Variants in SLC9A9 observed in about 807,000 individuals in gnomAD.
SLC9A9 encodes the protein sodium/hydrogen exchanger 9.
SLC9A9 carries 62 observed loss-of-function variants against 77.8 expected under a neutral mutation model. That is an observed-to-expected ratio of 0.80 (90% confidence interval 0.65 to 0.98). The LOEUF (loss-of-function observed/expected upper bound fraction) is 0.98. Ranked by LOEUF, SLC9A9 falls within the 50% of genes least tolerant of loss-of-function variation. The pLI, the probability that SLC9A9 is intolerant of heterozygous loss-of-function variation, is 0.00. For synonymous variants in SLC9A9, 320 were observed against 283.5 expected, an observed-to-expected ratio of 1.13 and a Z score of -1.29; for missense variants, 775 against 774.9, an observed-to-expected ratio of 1.00 and a Z score of 0.00.
intron 9 of SLC9A9, among the ~76,000 whole-genome samples, chr3:143,533,237 C>T (rs572544823): frequency 3.9e-5 from 6 of 152,352 alleles, no homozygotes; most frequent in South Asian, 4.1e-4. Flanking sequence ...TGGCTCACAG[C>T]GACCTGGGGG....
At chr3:143,385,425 T>A (rs1011110425) in intron 12 of SLC9A9, among the ~76,000 whole-genome samples, 3 of 152,216 alleles carry the variant, frequency 2.0e-5, no homozygotes, top group African/African-American at 7.2e-5. Context: ...TTTTCTCAAT[T>A]GTGATATATA....
At chr3:143,408,099 G>C (rs2034019049) in intron 12 of SLC9A9, among the ~76,000 whole-genome samples, 1 of 152,074 alleles carries the variant, frequency 6.6e-6, no homozygotes, top group African/African-American at 2.4e-5. Context: ...TCTCTTATAA[G>C]GACACTAATT....
chr3:143,535,272 G>C (rs1028929246), intron 9 of SLC9A9, among the ~76,000 whole-genome samples: 3 of 152,136 alleles, frequency 2.0e-5, no homozygotes, highest in Non-Finnish European at 2.9e-5. Flanking sequence ...AAACACTTTA[G>C]AGTTCTTTCA....
chr3:143,470,914 G>GA (rs1235463767), intron 11 of SLC9A9, among the ~76,000 whole-genome samples: 1 of 151,920 alleles, frequency 6.6e-6, no homozygotes, highest in Non-Finnish European at 1.5e-5. Context: ...ACTGACTTTT[G>GA]AAAAAATCTA....
At chr3:143,773,359 C>A (rs1301551409) in intron 4 of SLC9A9, among the ~76,000 whole-genome samples, 2 of 151,952 alleles carry the variant, frequency 1.3e-5, no homozygotes, top group African/African-American at 2.4e-5. Context: ...ATGTACACAA[C>A]CTCAAGAGCA....
At chr3:143,274,933 A>G (rs1194425024) in intron 14 of SLC9A9, among the ~76,000 whole-genome samples, 1 of 152,180 alleles carries the variant, frequency 6.6e-6, no homozygotes, top group African/African-American at 2.4e-5. Flanking sequence ...ATTACAGTCT[A>G]TATTGTTTCC....
intron 4 of SLC9A9, among the ~76,000 whole-genome samples, chr3:143,734,060 G>T (rs1164047043): frequency 6.6e-6 from 1 of 152,030 alleles, no homozygotes; most frequent in African/African-American, 2.4e-5. Flanking sequence ...AGTTGGGTGT[G>T]GTGGTGCACA....
In SLC9A9 at chr3:143,693,242, T is replaced by G; in HGVS notation, c.599A>C (p.His200Pro). 6.2e-7 allele frequency: 1 copy of G among 1,613,384 alleles called. No individual in the cohort carries two copies. The highest frequency in any genetic ancestry group is 8.5e-7 in the Non-Finnish European group (1 of 1,179,564). ...HAGQLKNGDF[H>P]FTDCLFFGSL... The stretch of plus-strand genomic sequence containing the variant: ...ACCAAAAAATAAACAGTCAGTGAAA[T>G]GAAAGTCTCCATTTTTCAGCTGGCC... Residue 200 changes from histidine to proline, a missense_variant, in exon 5 of 16, where the codon CAT (histidine) becomes CCT (proline). Coordinates refer to ENST00000316549, the MANE Select transcript of SLC9A9 (RefSeq NM_173653.4).
At chr3:143,614,344 T>C (rs998216216) in intron 6 of SLC9A9, among the ~76,000 whole-genome samples, 2 of 152,216 alleles carry the variant, frequency 1.3e-5, no homozygotes, top group African/African-American at 4.8e-5. Context: ...TTTGGCAAGC[T>C]GTATATTTAG....
intron 4 of SLC9A9, among the ~76,000 whole-genome samples, chr3:143,740,347 G>T (rs958459014): frequency 6.6e-6 from 1 of 152,156 alleles, no homozygotes; most frequent in Non-Finnish European, 1.5e-5. Flanking sequence ...CAATGCATTA[G>T]GTAGCATGTA....
chr3:143,515,588 T>G (rs1317401283), intron 9 of SLC9A9, among the ~76,000 whole-genome samples: 2 of 152,232 alleles, frequency 1.3e-5, no homozygotes, highest in African/African-American at 4.8e-5. Context: ...CTTTTATACC[T>G]TGCCAAACAT....
intron 8 of SLC9A9, among the ~76,000 whole-genome samples, chr3:143,568,040 C>T (rs1451320411): frequency 6.6e-6 from 1 of 152,032 alleles, no homozygotes; most frequent in African/African-American, 2.4e-5. Context: ...TCTTTGTTTG[C>T]AAGTAATAAA....
intron 6 of SLC9A9, among the ~76,000 whole-genome samples, chr3:143,636,481 T>C (rs1024736312): frequency 6.6e-6 from 1 of 152,274 alleles, no homozygotes; most frequent in Admixed American, 6.5e-5. Context: ...TTTTTTAATA[T>C]TTTTATAGAT....
At chr3:143,268,821 A>T in intron 15 of SLC9A9, 54 bp downstream of exon 15, 2 of 1,429,132 alleles carry the variant, frequency 1.4e-6, no homozygotes, top group Admixed American at 3.4e-5. Context: ...GATATTCACC[A>T]AGTCTGTCCC....
intron 14 of SLC9A9, among the ~76,000 whole-genome samples, chr3:143,358,330 C>A (rs900943367): frequency 7.9e-5 from 12 of 152,300 alleles, no homozygotes; most frequent in Admixed American, 2.0e-4. Context: ...TCTCCATCCA[C>A]GTGGCTTTAT....
chr3:143,408,232 G>A (rs1394718979), intron 12 of SLC9A9, among the ~76,000 whole-genome samples: 1 of 152,224 alleles, frequency 6.6e-6, no homozygotes, highest in African/African-American at 2.4e-5. Context: ...GTCCATAGCA[G>A]TAGGTACTGT....
chr3:143,651,106 C>G (rs1017548913), intron 6 of SLC9A9, among the ~76,000 whole-genome samples: 1 of 152,166 alleles, frequency 6.6e-6, no homozygotes, highest in African/African-American at 2.4e-5. Flanking sequence ...TCCAAATGTT[C>G]TTTTAATGCT....
intron 9 of SLC9A9, among the ~76,000 whole-genome samples, chr3:143,514,113 A>T (rs111487544): frequency 6.6e-6 from 1 of 151,970 alleles, no homozygotes; most frequent in Non-Finnish European, 1.5e-5. Context: ...TTTTGTCCTT[A>T]CAATAGTTTG....
intron 4 of SLC9A9, among the ~76,000 whole-genome samples, chr3:143,708,482 T>C (rs574964538): frequency 1.3e-5 from 2 of 152,182 alleles, no homozygotes; most frequent in Non-Finnish European, 2.9e-5. Context: ...CTTTCTTTCC[T>C]CTCTGGGTAT....
Sources: allele counts gnomAD v4.1 joint callset (sites outside exome capture counted in the v4.1 genomes callset), GRCh38; gene constraint gnomAD v4.1.1; transcripts MANE v1.5; gene names NCBI Gene and HGNC (gene_info 2026-07-23, HGNC 2026-07-21).